Variants in MYH8 observed in about 807,000 individuals in gnomAD.
The protein encoded by MYH8 is myosin heavy chain 8, also known as myosin-8.
In MYH8, 168 loss-of-function variants were observed where a neutral mutation model predicts 233.2. The observed-to-expected ratio is 0.72, with a 90% CI of 0.64 to 0.82. The LOEUF is 0.82. MYH8 is among the 40% of genes least tolerant of loss of function. The probability of loss-of-function intolerance (pLI) is 0.00; values close to 1 mark genes in which losing one functional copy is unlikely to be tolerated. For synonymous variants in MYH8, 785 were observed against 850.6 expected (o/e 0.92, Z 1.34); for missense variants, 1,995 against 2,327.8 (o/e 0.86, Z 2.94).
chr17:10,412,919 T>C (rs571286619), intron 12 of MYH8, among the ~76,000 whole-genome samples, 191 bp from the exon 13 acceptor site: 1 of 152,344 alleles, frequency 6.6e-6, no homozygotes, highest in South Asian at 2.1e-4. Flanking sequence ...TACTGATCTT[T>C]AGTGATTTAT....
intron 38 of MYH8, 37 bp downstream of exon 38, chr17:10,392,505 A>G: frequency 2.6e-6 from 4 of 1,560,548 alleles, no homozygotes; most frequent in Non-Finnish European, 3.5e-6. Flanking sequence ...CCTTCTGGGC[A>G]GGAAGAGTGG....
rs2072133210 is a variant in MYH8, at chr17:10,400,828, T to G, written c.3345+41A>C. On this transcript the variant is annotated intron_variant, in intron 26 of 39. Transcript: ENST00000403437. This position sits in a 1 kb window ranked among gnomAD's most constrained non-coding sequence, Gnocchi z 4.0. ...ACATAAACTCATCTCAACTTCAGTG[T>G]TTTTTTGGTGTGCAGAAAAAATAGA... The G allele has an allele frequency of 3.7e-6, 6 of 1,613,324 alleles. No homozygotes were observed. The highest frequency in any genetic ancestry group is 5.1e-6 in the Non-Finnish European group (6 of 1,179,852).
intron 21 of MYH8, 124 bp downstream of exon 21, chr17:10,405,917 G>T: frequency 1.7e-6 from 2 of 1,184,964 alleles, no homozygotes; most frequent in South Asian, 1.3e-5. Context: ...CTGTGTTGTA[G>T]GAGTGAGTTC....
Position 10,419,337 on chromosome 17 carries a change from C to T in MYH8, c.211-307G>A, listed in dbSNP as rs930744574. 2.0e-5 allele frequency among the ~76,000 whole-genome samples: 3 copies of T among 152,134 alleles called. No individual in the cohort carries two copies. The highest frequency in any genetic ancestry group is 4.4e-5 in the Non-Finnish European group (3 of 68,024). ...CCTCCCAAAGTGCTGGGATTACAGG[C>T]GTGAGCCACTGCGCCTGGCTAAGAC... On this transcript the variant is annotated intron_variant, in intron 3 of 39. Transcript: ENST00000403437. The surrounding 1 kb of genome is among the most constrained non-coding windows in gnomAD (Gnocchi z 4.0).
At chr17:10,393,991 CTTTTTTTTTTT>C (rs35512526) in intron 35 of MYH8, among the ~76,000 whole-genome samples, 50 of 36,006 alleles carry the variant, frequency 1.4e-3, no homozygotes, top group African/African-American at 2.2e-3. Context: ...AAAGTAATAG[CTTTTTTTTTTT>C]TTTTTTTTTT....
chr17:10,414,632 T>G (rs2072273824), intron 9 of MYH8, 148 bp from the exon 10 acceptor site: 6 of 675,612 alleles, frequency 8.9e-6, no homozygotes, highest in Non-Finnish European at 1.3e-5. Flanking sequence ...TAGACAGTGA[T>G]TCTCACTGTC....
chr17:10,404,450 C>T lies in MYH8; in HGVS notation c.2568G>A (p.Lys856=), dbSNP rs748173065. The change falls in exon 22 of 40, where the codon AAG becomes AAA. Residue 856 remains lysine, a synonymous_variant. Transcript: ENST00000403437. ...AETEKEMATM[K]EEFQKTKDEL... is the part of the protein sequence containing the mutation. ...CATCTTTGGTTTTCTGGAATTCTTCCTTCATGGTGGCCATCTCTTTCTCGG... is the reference window on the plus strand; with the variant it reads ...CATCTTTGGTTTTCTGGAATTCTTCTTTCATGGTGGCCATCTCTTTCTCGG... 2.5e-6 allele frequency: 4 copies of T among 1,613,916 alleles called. No homozygotes were observed. In the South Asian group the frequency reaches 4.4e-5, roughly 18 times the overall value.
At chr17:10,411,268 C>T (rs186112395) in intron 14 of MYH8, among the ~76,000 whole-genome samples, 4 of 151,476 alleles carry the variant, frequency 2.6e-5, no homozygotes, top group Admixed American at 2.0e-4. Context: ...CCCAGCTACT[C>T]GGAAGGCTGA....
chr17:10,420,352 G>A, intron 2 of MYH8, 95 bp from the exon 3 acceptor site: 2 of 1,142,292 alleles, frequency 1.8e-6, no homozygotes, highest in African/African-American at 3.1e-5. Flanking sequence ...AACATAGCCT[G>A]TGCTGTAACT....
chr17:10,398,313 C>T, intron 30 of MYH8, 131 bp downstream of exon 30: 1 of 1,274,622 alleles, frequency 7.8e-7, no homozygotes, highest in Middle Eastern at 1.9e-4. Flanking sequence ...TACATGCATA[C>T]ATTATATATA....
In MYH8 at chr17:10,409,305, A is replaced by G. The variant is rs1480568602; in HGVS notation, c.1871T>C (p.Phe624Ser). 8.1e-6 allele frequency: 13 copies of G among 1,614,270 alleles called. No individual in the cohort carries two copies. The highest frequency in any genetic ancestry group is 9.3e-6 in the Non-Finnish European group (11 of 1,180,042). Reference sequence around the variant, plus strand: ...TGCTTCAGCACTAGCATACGTGGAAAAGAGACTGGCTAGAGTCTTCATTGC... The same window carrying G: ...TGCTTCAGCACTAGCATACGTGGAAGAGAGACTGGCTAGAGTCTTCATTGC... ...KSAMKTLASL[F>S]STYASAEADS... is the part of the protein sequence containing the mutation. The change falls in exon 16 of 40, where the codon TTT (phenylalanine) becomes TCT (serine). Residue 624 changes from phenylalanine to serine, a missense_variant. Phe to Ser is a radical substitution (Grantham distance 155, BLOSUM62 -2). Around this residue, in one of 3 missense-constraint regions of MYH8, gnomAD observed 1,498 missense variants for 1,680.9 expected, o/e 0.89. Coordinates refer to ENST00000403437, the MANE Select transcript of MYH8 (RefSeq NM_002472.3).
intron 12 of MYH8, 106 bp downstream of exon 12, chr17:10,413,796 C>T: frequency 2.0e-6 from 3 of 1,520,820 alleles, no homozygotes; most frequent in Non-Finnish European, 2.7e-6. Flanking sequence ...GTGTATATGC[C>T]CTTCACAAGT....
rs200274735 is a variant in MYH8, at chr17:10,418,466, A to G, written c.511+179T>C. On this transcript the variant is annotated intron_variant, in intron 5 of 39. Coordinates refer to ENST00000403437, the MANE Select transcript of MYH8 (RefSeq NM_002472.3). ...TGAGCTTCACTTTACTCATCTGTAAAATGGAGGTAGCTGCTGGGAAGAGCA... is the reference window on the plus strand; with the variant it reads ...TGAGCTTCACTTTACTCATCTGTAAGATGGAGGTAGCTGCTGGGAAGAGCA... 4.0e-4 allele frequency among the ~76,000 whole-genome samples: 61 copies of G among 152,322 alleles called. 3 individuals carry two copies. The East Asian group carries it at 6.9e-3, about 17-fold the overall frequency.
Position 10,406,158 on chromosome 17 carries a change from A to G in MYH8, c.2315T>C (p.Leu772Pro), listed in dbSNP as rs762623757. 2.5e-6 allele frequency: 4 copies of G among 1,614,026 alleles called. No homozygotes were observed. ...TCTCATTTCTTCCAGAAGACCCAGAAGTCCAGCTTTGAAGAAAACCTGGAG... is the reference window on the plus strand; with the variant it reads ...TCTCATTTCTTCCAGAAGACCCAGAGGTCCAGCTTTGAAGAAAACCTGGAG... ...GHTKVFFKAG[L>P]LGLLEEMRDE... The change falls in exon 21 of 40, where the codon CTT becomes CCT. Residue 772 changes from leucine to proline, a missense_variant. Physicochemically the swap from Leu to Pro is moderately conservative, Grantham distance 98. Coordinates refer to ENST00000403437, the MANE Select transcript of MYH8 (RefSeq NM_002472.3).
Position 10,414,256 on chromosome 17 carries a change from A to C in MYH8, c.944T>G (p.Phe315Cys). The C allele has an allele frequency of 6.2e-7, 1 of 1,614,202 alleles. No homozygotes were observed. The highest frequency in any genetic ancestry group is 1.1e-5 in the South Asian group (1 of 91,076). ...LITTNPYDYAFVSQGEITVPS... is the reference protein window; with the variant it reads ...LITTNPYDYACVSQGEITVPS... ...AACTGTGATCTCCCCCTGACTGACG[A>C]AGGCATAGTCATATGGGTTGGTGGT... Residue 315 changes from phenylalanine to cysteine, a missense_variant, in exon 11 of 40, where the codon TTC becomes TGC. Coordinates refer to ENST00000403437, the MANE Select transcript of MYH8 (RefSeq NM_002472.3).
Position 10,412,726 on chromosome 17 carries a change from C to T in MYH8, c.1150G>A (p.Ala384Thr), listed in dbSNP as rs753001993. The T allele has an allele frequency of 1.1e-5, 17 of 1,610,816 alleles. No homozygotes were observed. Among genetic ancestry groups the T allele is most frequent in the South Asian group, 3.3e-5 (3 of 91,000 alleles). ...CTCTGGAGATAGGCTGCCTTGTCAG[C>T]GACTGCAGAGACACAGTTCAGGACA... ...EQAEPDGTEVADKAAYLQSLN... is the reference protein window; with the variant it reads ...EQAEPDGTEVTDKAAYLQSLN... Residue 384 changes from alanine (A) to threonine (T), a missense_variant and splice_region_variant, in exon 13 of 40, where the codon GCT (alanine) becomes ACT (threonine). This residue lies in a region of MYH8 where 479 missense variants were observed against 600.9 expected (regional missense o/e 0.80). Transcript: ENST00000403437.
intron 17 of MYH8, among the ~76,000 whole-genome samples, chr17:10,408,205 C>G (rs1197713909): frequency 1.3e-5 from 2 of 151,998 alleles, no homozygotes; most frequent in Non-Finnish European, 2.9e-5. Context: ...TCCCAAAGTG[C>G]TGGGATTACA....
chr17:10,414,586 C>T (rs563686988), intron 9 of MYH8, 102 bp from the exon 10 acceptor site: 2 of 802,756 alleles, frequency 2.5e-6, no homozygotes, highest in East Asian at 5.3e-5. Flanking sequence ...TTACATTTGG[C>T]TCCAATGAGA....
In MYH8 at chr17:10,394,438, G is replaced by A; in HGVS notation, c.4977C>T (p.His1659=). 6.2e-7 allele frequency: 1 copy of A among 1,614,204 alleles called. No homozygotes were observed. Among genetic ancestry groups the A allele is most frequent in the Non-Finnish European group, 8.5e-7 (1 of 1,180,044 alleles). Residue 1659 remains histidine (H), a synonymous_variant, in exon 35 of 40, where the codon CAC becomes CAT. Coordinates refer to ENST00000403437, the MANE Select transcript of MYH8 (RefSeq NM_002472.3). ...TQGILKETQL[H]LDDALRGQED... is the part of the protein sequence containing the mutation. ...CCTGGCCCCGGAGAGCATCATCCAG[G>A]TGGAGCTGGGTTTCCTAATAAGTGA...
Sources: gnomAD v4.1 joint callset for allele counts (sites outside exome capture counted in the v4.1 genomes callset) on GRCh38, gnomAD v4.1.1 for gene constraint, gnomAD v4.1.1 regional missense constraint, Gnocchi (gnomAD v3.1) non-coding constraint, MANE v1.5 for transcripts, NCBI Gene and HGNC (gene_info 2026-07-23, HGNC 2026-07-21) for gene names.